The following ZCCHC7 variants were observed in gnomAD, a reference collection of about 807,000 sequenced individuals.
ZCCHC7 encodes zinc finger CCHC-type containing 7.
In ZCCHC7, 35 loss-of-function variants were observed where a neutral mutation model predicts 52.0. The ratio of observed to expected loss-of-function variants is 0.67; its 90% confidence interval spans 0.51 to 0.89. The LOEUF is 0.89. ZCCHC7 is among the 40% of genes least tolerant of loss of function. The pLI, the probability that ZCCHC7 is intolerant of heterozygous loss-of-function variation, is 0.00. For missense variants in ZCCHC7, 574 were observed against 649.1 expected (o/e 0.88, Z 1.26); for synonymous variants, 217 against 221.5 (o/e 0.98, Z 0.18).
intron 5 of ZCCHC7, among the ~76,000 whole-genome samples, chr9:37,306,137 G>A (rs572839530): frequency 2.8e-4 from 42 of 150,304 alleles, no homozygotes; most frequent in African/African-American, 9.3e-4. Flanking sequence ...GTGCAATCTC[G>A]GCTCATTGCA....
intron 2 of ZCCHC7, among the ~76,000 whole-genome samples, chr9:37,280,113 C>G (rs1827882291): frequency 6.6e-6 from 1 of 151,868 alleles, no homozygotes; most frequent in South Asian, 2.1e-4. Flanking sequence ...TGCACTCTAG[C>G]CTGGGCAACA....
chr9:37,200,707 C>G (rs928960124), intron 2 of ZCCHC7, among the ~76,000 whole-genome samples: 1 of 152,160 alleles, frequency 6.6e-6, no homozygotes, highest in African/African-American at 2.4e-5. Context: ...GTGTTTATAG[C>G]TGTCTGTAAA....
chr9:37,233,791 A>G (rs1302054609), intron 2 of ZCCHC7, among the ~76,000 whole-genome samples: 1 of 152,204 alleles, frequency 6.6e-6, no homozygotes, highest in East Asian at 1.9e-4. Flanking sequence ...TAGAAACCCA[A>G]ACCAAAGGAA....
intron 2 of ZCCHC7, among the ~76,000 whole-genome samples, chr9:37,134,128 TC>T (rs1360573265): frequency 6.6e-6 from 1 of 152,216 alleles, no homozygotes; most frequent in Non-Finnish European, 1.5e-5. Flanking sequence ...TGTTCAGATT[TC>T]CTACACTGGC....
chr9:37,189,690 T>C (rs1822916813), intron 2 of ZCCHC7, among the ~76,000 whole-genome samples: 1 of 148,102 alleles, frequency 6.8e-6, no homozygotes, highest in African/African-American at 2.5e-5. Context: ...GCCCAGCTGA[T>C]TTTTTTTTTT....
chr9:37,260,146 T>A (rs1295432073), intron 2 of ZCCHC7, among the ~76,000 whole-genome samples: 1 of 152,198 alleles, frequency 6.6e-6, no homozygotes, highest in Non-Finnish European at 1.5e-5. Context: ...CCTGTCCTGG[T>A]CCTTAGGCTG....
rs1383121990 is a variant in ZCCHC7, at chr9:37,321,021, C to T, written c.952-6778C>T. Among the ~76,000 whole-genome samples the T allele has an allele frequency of 3.1e-5, 4 of 130,708 alleles. No homozygotes were observed. In the East Asian group the frequency reaches 6.6e-4, roughly 22 times the overall value. The allele number at this position is 130,708 out of a possible 152,430, so 85.7% of individuals were successfully genotyped here. A position where few individuals can be genotyped will look rare whatever the true frequency, so the allele number is the denominator to read the frequency against. On this transcript the variant is annotated intron_variant, in intron 5 of 8. Coordinates refer to ENST00000336755, the MANE Select transcript of ZCCHC7 (RefSeq NM_032226.3). ...TTTTTTTTTTTGAGATGGAATCTCA[C>T]TCTGTTGCCCAGGCTGGAGTGCAGT...
intron 2 of ZCCHC7, among the ~76,000 whole-genome samples, chr9:37,146,427 A>G (rs1205199597): frequency 6.6e-6 from 1 of 151,920 alleles, no homozygotes; most frequent in African/African-American, 2.4e-5. Context: ...TTTGAAAAGG[A>G]CTTAGATCCT....
chr9:37,294,643 A>C (rs1273861678), intron 2 of ZCCHC7, among the ~76,000 whole-genome samples: 1 of 152,168 alleles, frequency 6.6e-6, no homozygotes, highest in African/African-American at 2.4e-5. Flanking sequence ...TCATTAAATT[A>C]TTTACTGGCT....
chr9:37,160,888 A>G (rs1821063038), intron 2 of ZCCHC7, among the ~76,000 whole-genome samples: 1 of 152,228 alleles, frequency 6.6e-6, no homozygotes, highest in South Asian at 2.1e-4. Context: ...CTCCATCTCA[A>G]AAAAAACCAA....
chr9:37,312,152 A>G (rs1829629955), intron 5 of ZCCHC7, among the ~76,000 whole-genome samples: 1 of 152,210 alleles, frequency 6.6e-6, no homozygotes, highest in African/African-American at 2.4e-5. Flanking sequence ...AATGGCTGAA[A>G]CATATTATTG....
chr9:37,235,224 T>C (rs1389557953), intron 2 of ZCCHC7, among the ~76,000 whole-genome samples: 1 of 152,200 alleles, frequency 6.6e-6, no homozygotes, highest in Non-Finnish European at 1.5e-5. Context: ...CCTATCCATC[T>C]GTTCTTTTAT....
At chr9:37,210,689 C>G (rs541414515) in intron 2 of ZCCHC7, among the ~76,000 whole-genome samples, 1 of 151,828 alleles carries the variant, frequency 6.6e-6, no homozygotes, top group South Asian at 2.1e-4. Flanking sequence ...ATTTCTTAGT[C>G]CCCTCACAGA....
intron 2 of ZCCHC7, among the ~76,000 whole-genome samples, chr9:37,291,962 G>A (rs1039602146): frequency 6.6e-6 from 1 of 152,138 alleles, no homozygotes; most frequent in African/African-American, 2.4e-5. Flanking sequence ...CAAACTGCTG[G>A]GATTACAGGC....
intron 2 of ZCCHC7, among the ~76,000 whole-genome samples, chr9:37,130,963 G>A (rs1842755005): frequency 6.6e-6 from 1 of 152,078 alleles, no homozygotes; most frequent in Non-Finnish European, 1.5e-5. Flanking sequence ...TAAATTTGTA[G>A]TAAATTTGAG....
chr9:37,251,667 A>G (rs1235358374), intron 2 of ZCCHC7, among the ~76,000 whole-genome samples: 5 of 152,210 alleles, frequency 3.3e-5, no homozygotes, highest in African/African-American at 1.2e-4. Flanking sequence ...GTTCAGAGTG[A>G]CGGGCCCACA....
At chr9:37,327,098 C>G (rs1830274636) in intron 5 of ZCCHC7, 1 of 151,890 alleles carries the variant, frequency 6.6e-6, no homozygotes, top group South Asian at 2.1e-4. Context: ...TTTTGTTGTT[C>G]CTGCTATTGT....
chr9:37,215,441 G>A (rs560725778), intron 2 of ZCCHC7, among the ~76,000 whole-genome samples: 1 of 152,202 alleles, frequency 6.6e-6, no homozygotes, highest in African/African-American at 2.4e-5. Flanking sequence ...TATCTTTAAA[G>A]GAAAAAAATT....
chr9:37,347,012 G>T lies in ZCCHC7; in HGVS notation c.988-2345G>T, dbSNP rs560491229. ...CCCTGTCCAAAAAAAAAATTAGTTG[G>T]CAGACTAGCACTGTTTGTTAAAGAC... is the stretch of plus-strand genomic sequence containing the variant. On this transcript the variant is annotated intron_variant, in intron 6 of 8. Transcript: ENST00000336755. Among the ~76,000 whole-genome samples, 3 of 152,212 alleles carry T rather than the reference G, an allele frequency of 2.0e-5. No individual in the cohort carries two copies. The South Asian group carries it at 6.2e-4, about 32-fold the overall frequency.
Sources: allele counts gnomAD v4.1 joint callset (sites outside exome capture counted in the v4.1 genomes callset), GRCh38; gene constraint gnomAD v4.1.1; transcripts MANE v1.5; gene names NCBI Gene and HGNC (gene_info 2026-07-23, HGNC 2026-07-21).